PARD3: variants seen among roughly 807,000 people sequenced by gnomAD.
PARD3 encodes par-3 family cell polarity regulator.
A neutral mutation model predicts 155.4 loss-of-function variants in PARD3; 75 were observed. The observed-to-expected ratio is 0.48, with a 90% CI of 0.40 to 0.58. PARD3 has a LOEUF of 0.58. Among genes scored for constraint, PARD3 ranks in the 20% least tolerant of loss-of-function variants. The pLI is 0.00. For synonymous variants in PARD3, 576 were observed against 610.5 expected, an observed-to-expected ratio of 0.94 and a Z score of 0.83; for missense variants, 1,642 against 1,721.7, an observed-to-expected ratio of 0.95 and a Z score of 0.82.
intron 2 of PARD3, among the ~76,000 whole-genome samples, chr10:34,661,902 T>A (rs2093335146): frequency 6.6e-6 from 1 of 152,192 alleles, no homozygotes; most frequent in Admixed American, 6.5e-5. Flanking sequence ...CATGGAGTAG[T>A]GCAGCAGTCC....
chr10:34,371,486 C>CAAAAAAAAAAAAAAAA lies in PARD3; in HGVS notation c.1707+996_1707+1011dup, dbSNP rs968034029. On this transcript the variant is annotated intron_variant, in intron 12 of 24. Transcript: ENST00000374788. ...ATGAAATATGGTGAGATTCTAGACT[C>CAAAAAAAAAAAAAAAA]AAAAAAAAAAAAAAAAAAAAAAAAA... Among the ~76,000 whole-genome samples the CAAAAAAAAAAAAAAAA allele has an allele frequency of 1.3e-4, 3 of 22,752 alleles. 1 individual carries two copies. The highest frequency in any genetic ancestry group is 1.7e-4 in the Non-Finnish European group (2 of 11,704). The allele number at this position is 22,752 out of a possible 152,430, so 14.9% of individuals were successfully genotyped here.
Position 34,643,211 on chromosome 10 carries a change from C to T in PARD3, c.222+53107G>A, listed in dbSNP as rs115321278. Among the ~76,000 whole-genome samples, 478 of 152,368 alleles carry T rather than the reference C, an allele frequency of 3.1e-3. 4 individuals are homozygous for T. The highest frequency in any genetic ancestry group is 0.011 in the African/African-American group (453 of 41,586). On this transcript the variant is annotated intron_variant, in intron 2 of 24. Coordinates refer to ENST00000374788, the MANE Select transcript of PARD3 (RefSeq NM_001184785.2). ...GGGACAGAAGGCCCCACGGCTCTCA[C>T]TGGCTCACCTGGAGCCCCCTCGTCT... is the stretch of plus-strand genomic sequence containing the variant.
chr10:34,710,809 C>T (rs966893719), intron 1 of PARD3, among the ~76,000 whole-genome samples: 8 of 152,324 alleles, frequency 5.3e-5, no homozygotes, highest in Middle Eastern at 3.4e-3. Flanking sequence ...TTCTCTTCCA[C>T]ATATCTGCAA....
At chr10:34,318,363 C>T (rs957694889) in intron 19 of PARD3, among the ~76,000 whole-genome samples, 4 of 152,160 alleles carry the variant, frequency 2.6e-5, no homozygotes, top group African/African-American at 9.7e-5. Context: ...GTTAATTACT[C>T]CGTGAATTCT....
intron 19 of PARD3, among the ~76,000 whole-genome samples, chr10:34,319,035 T>A (rs1381172336): frequency 1.3e-5 from 2 of 150,516 alleles, no homozygotes. Context: ...CGCCTCGGCC[T>A]CCCAAAGTGC....
chr10:34,272,129 A>C lies in PARD3; in HGVS notation c.3177-2230T>G, dbSNP rs75604101. On this transcript the variant is annotated intron_variant, in intron 21 of 24. Transcript: ENST00000374788. ...AACCATAGGCAAAAAGAAAAGGAAA[A>C]ATAAATTTCATACCTTACTAAAAAA... 1.7e-3 allele frequency among the ~76,000 whole-genome samples: 257 copies of C among 152,332 alleles called. 1 individual carries two copies. The highest frequency in any genetic ancestry group is 5.9e-3 in the African/African-American group (244 of 41,578).
intron 4 of PARD3, among the ~76,000 whole-genome samples, chr10:34,454,627 T>A (rs1310225968): frequency 6.6e-6 from 1 of 151,916 alleles, no homozygotes; most frequent in Non-Finnish European, 1.5e-5. Context: ...CAAAAAAAAA[T>A]GCCATAAGAA....
At chr10:34,633,209 G>A in intron 2 of PARD3, among the ~76,000 whole-genome samples, 1 of 152,088 alleles carries the variant, frequency 6.6e-6, no homozygotes, top group East Asian at 1.9e-4. Context: ...GTATTAAAAT[G>A]TACGGAACTC....
chr10:34,355,381 C>T (rs2134447618), intron 14 of PARD3, among the ~76,000 whole-genome samples: 1 of 152,186 alleles, frequency 6.6e-6, no homozygotes, highest in African/African-American at 2.4e-5. Flanking sequence ...CAACAGGCAA[C>T]AGGGATAGGG....
chr10:34,464,864 A>C (rs7098300), intron 4 of PARD3, among the ~76,000 whole-genome samples: 8,568 of 152,238 alleles, frequency 0.056, 817 homozygotes, highest in African/African-American at 0.2. Context: ...TAATACATCA[A>C]AATGTCATTA....
chr10:34,477,866 CTG>C (rs1344490340), intron 3 of PARD3, among the ~76,000 whole-genome samples: 2 of 152,182 alleles, frequency 1.3e-5, no homozygotes, highest in Non-Finnish European at 2.9e-5. Context: ...AAAATGAAAA[CTG>C]TCTCTCTCCC....
intron 20 of PARD3, among the ~76,000 whole-genome samples, chr10:34,295,691 T>C (rs1589088196): frequency 6.6e-6 from 1 of 152,218 alleles, no homozygotes; most frequent in Non-Finnish European, 1.5e-5. Context: ...AACTAGTGTG[T>C]ATACTCATGA....
intron 2 of PARD3, among the ~76,000 whole-genome samples, chr10:34,638,118 G>A (rs1364504475): frequency 6.6e-6 from 1 of 152,094 alleles, no homozygotes; most frequent in Non-Finnish European, 1.5e-5. Flanking sequence ...TGTGGAGAGT[G>A]GACTAAAGGA....
chr10:34,249,141 C>T (rs1816168491), intron 22 of PARD3, among the ~76,000 whole-genome samples: 1 of 152,116 alleles, frequency 6.6e-6, no homozygotes, highest in African/African-American at 2.4e-5. Context: ...TATACTTACA[C>T]TTCTGAATAC....
intron 22 of PARD3, among the ~76,000 whole-genome samples, chr10:34,140,606 C>G (rs1394088392): frequency 6.6e-6 from 1 of 152,142 alleles, no homozygotes; most frequent in Non-Finnish European, 1.5e-5. Context: ...GGCTGGAAGA[C>G]TTATGAGGAA....
At chr10:34,289,085 T>C (rs11009714) in intron 20 of PARD3, among the ~76,000 whole-genome samples, 5,607 of 152,046 alleles carry the variant, frequency 0.037, 290 homozygotes, top group African/African-American at 0.11. Context: ...CTCAGCCTCC[T>C]GAGTAGCTGG....
At chr10:34,787,837 G>A (rs1322124094) in intron 1 of PARD3, among the ~76,000 whole-genome samples, 1 of 150,574 alleles carries the variant, frequency 6.6e-6, no homozygotes, top group Non-Finnish European at 1.5e-5. Flanking sequence ...CTGGTGTACA[G>A]TGGCGCAACC....
intron 1 of PARD3, among the ~76,000 whole-genome samples, chr10:34,783,861 T>C (rs1014871160): frequency 4.6e-5 from 7 of 151,998 alleles, no homozygotes; most frequent in Non-Finnish European, 7.4e-5. Flanking sequence ...CAGCAACTCA[T>C]TAAGTGGTTT....
At chr10:34,346,410 TGGACCA>T (rs1837431621) in intron 15 of PARD3, 1 of 1,344,006 alleles carries the variant, frequency 7.4e-7, no homozygotes, top group Non-Finnish European at 9.9e-7. Flanking sequence ...CAGGAACTGG[TGGACCA>T]ATGGTCTGAT....
Sources: gnomAD v4.1 joint callset for allele counts (sites outside exome capture counted in the v4.1 genomes callset) on GRCh38, gnomAD v4.1.1 for gene constraint, MANE v1.5 for transcripts, NCBI Gene and HGNC (gene_info 2026-07-23, HGNC 2026-07-21) for gene names.